Variants in BAZ2B observed in about 807,000 individuals in gnomAD.
BAZ2B encodes the protein bromodomain adjacent to zinc finger domain 2B.
A neutral mutation model predicts 246.0 loss-of-function variants in BAZ2B; 91 were observed. The observed-to-expected ratio is 0.37, with a 90% confidence interval of 0.31 to 0.44. BAZ2B has a LOEUF of 0.44. Ranked by LOEUF, BAZ2B falls within the 20% of genes least tolerant of loss-of-function variation. The probability of loss-of-function intolerance (pLI) is 1.00; values close to 1 mark genes in which losing one functional copy is unlikely to be tolerated. For missense variants in BAZ2B, 2,332 were observed against 2,533.7 expected, an observed-to-expected ratio of 0.92 and a Z score of 1.71; for synonymous variants, 855 against 860.0, an observed-to-expected ratio of 0.99 and a Z score of 0.10.
chr2:159,464,743 T>C (rs757795001), intron 3 of BAZ2B: 1 of 152,230 alleles, frequency 6.6e-6, no homozygotes, highest in Non-Finnish European at 1.5e-5. Flanking sequence ...GTTCCTCTTC[T>C]GTGATAATTT....
intron 3 of BAZ2B, among the ~76,000 whole-genome samples, chr2:159,467,035 T>G (rs1412294256): frequency 6.6e-6 from 1 of 152,132 alleles, no homozygotes; most frequent in African/African-American, 2.4e-5. Flanking sequence ...AGACAAAGCA[T>G]GAGGAAGAAT....
rs375291157 is a variant in BAZ2B at position 159,447,277 on chromosome 2, T to C, written c.503-302A>G. Among the ~76,000 whole-genome samples the C allele has an allele frequency of 3.5e-4, 54 of 152,314 alleles. 1 individual carries two copies. In the East Asian group the frequency reaches 8.7e-3, roughly 24 times the overall value. On this transcript the variant is annotated intron_variant, in intron 5 of 36. Transcript: ENST00000392783. ...TTTCAGAACAAGATAGAGGTGGTGG[T>C]TGTACAACACTGCAAATGCATTAAA...
At chr2:159,490,693 T>TA (rs2080360263) in intron 2 of BAZ2B, among the ~76,000 whole-genome samples, 1 of 152,056 alleles carries the variant, frequency 6.6e-6, no homozygotes, top group African/African-American at 2.4e-5. Context: ...TGGCTATTTT[T>TA]TTTTTATTTT....
intron 28 of BAZ2B, 61 bp downstream of exon 28, chr2:159,349,647 T>C: frequency 6.8e-7 from 1 of 1,475,506 alleles, no homozygotes; most frequent in Non-Finnish European, 9.1e-7. Context: ...AGCAAAAATC[T>C]CCATGGGGTC....
intron 3 of BAZ2B, chr2:159,460,419 TTGCTTAC>T (rs2076265292): frequency 6.6e-6 from 1 of 152,064 alleles, no homozygotes; most frequent in Non-Finnish European, 1.5e-5. Flanking sequence ...GTCAAGAAAA[TTGCTTAC>T]CATGACATAA....
the BAZ2B span, among the ~76,000 whole-genome samples, chr2:159,698,384 G>A: frequency 6.6e-6 from 1 of 151,726 alleles, no homozygotes; most frequent in Non-Finnish European, 1.5e-5. Flanking sequence ...AGCTGGGCAT[G>A]GTAGCGTGCA....
intron 2 of BAZ2B, among the ~76,000 whole-genome samples, chr2:159,484,036 A>G (rs1161237563): frequency 2.6e-5 from 4 of 152,144 alleles, no homozygotes; most frequent in Non-Finnish European, 5.9e-5. Context: ...CCCACCAGGG[A>G]ACATATGGGT....
intron 1 of BAZ2B, among the ~76,000 whole-genome samples, chr2:159,568,568 A>G (rs1175369345): frequency 6.8e-6 from 1 of 146,988 alleles, no homozygotes; most frequent in Non-Finnish European, 1.5e-5. Flanking sequence ...AAAAAAAAAA[A>G]GCTCTTTTAT....
intron 27 of BAZ2B, among the ~76,000 whole-genome samples, chr2:159,362,340 C>T (rs2149300682): frequency 6.6e-6 from 1 of 152,238 alleles, no homozygotes; most frequent in East Asian, 1.9e-4. Flanking sequence ...TGTTTCTAAA[C>T]CCAAAGGTCC....
chr2:159,647,105 G>A, the BAZ2B span, among the ~76,000 whole-genome samples: 1 of 152,060 alleles, frequency 6.6e-6, no homozygotes, highest in African/African-American at 2.4e-5. Flanking sequence ...ATTTGTACAG[G>A]AGAACCCCAC....
chr2:159,692,033 G>A, the BAZ2B span, among the ~76,000 whole-genome samples: 1 of 152,096 alleles, frequency 6.6e-6, no homozygotes, highest in African/African-American at 2.4e-5. Context: ...GTTTATATGT[G>A]TAAGTTTTGA....
chr2:159,508,201 T>A (rs961599113), intron 2 of BAZ2B, among the ~76,000 whole-genome samples: 4 of 152,196 alleles, frequency 2.6e-5, no homozygotes, highest in Admixed American at 6.6e-5. Flanking sequence ...TGGGCTATTA[T>A]ACAGCCTCAT....
chr2:159,349,234 G>A lies in BAZ2B; in HGVS notation c.4910C>T (p.Pro1637Leu), dbSNP rs377196822. The A allele has an allele frequency of 1.2e-6, 2 of 1,613,196 alleles. No homozygotes were observed. The highest frequency in any genetic ancestry group is 2.2e-5 in the South Asian group (2 of 91,036). ...AATATTAGAAGTAACCACACCAGTG[G>A]GCCATCCACAAAACTGAAGTCCCAT... Reference protein sequence around the residue: ...SMMGLQFCGWPTGVVTSNIPF... With the variant: ...SMMGLQFCGWLTGVVTSNIPF... The change falls in exon 29 of 37, where the codon CCC becomes CTC. Residue 1637 changes from proline (P) to leucine (L), a missense_variant. Coordinates refer to ENST00000392783, the MANE Select transcript of BAZ2B (RefSeq NM_013450.4).
At chr2:159,370,210 A>G (rs1195514151) in intron 27 of BAZ2B, among the ~76,000 whole-genome samples, 1 of 152,060 alleles carries the variant, frequency 6.6e-6, no homozygotes, top group East Asian at 1.9e-4. Flanking sequence ...TAGGAGATAT[A>G]CCTAATGTAA....
At chr2:159,591,128 T>C (rs1689304639) in intron 1 of BAZ2B, among the ~76,000 whole-genome samples, 1 of 152,194 alleles carries the variant, frequency 6.6e-6, no homozygotes, top group Admixed American at 6.5e-5. Context: ...TTGTAGATGT[T>C]ACTACCTATG....
intron 5 of BAZ2B, among the ~76,000 whole-genome samples, 178 bp from the exon 6 acceptor site, chr2:159,447,153 G>T (rs1038975572): frequency 3.3e-5 from 5 of 152,152 alleles, no homozygotes; most frequent in African/African-American, 1.2e-4. Context: ...AAACCTACAG[G>T]GACAAAGTGA....
At chr2:159,341,989 A>G (rs185483445) in intron 31 of BAZ2B, among the ~76,000 whole-genome samples, 1 of 152,304 alleles carries the variant, frequency 6.6e-6, no homozygotes, top group Admixed American at 6.5e-5. Flanking sequence ...TCAAACCCCA[A>G]ATTAGTAGAA....
chr2:159,495,558 A>G (rs1207346432), intron 2 of BAZ2B, among the ~76,000 whole-genome samples: 2 of 150,526 alleles, frequency 1.3e-5, no homozygotes, highest in East Asian at 3.9e-4. Context: ...ATAGATTGCC[A>G]TCTTAGAATC....
the BAZ2B span, among the ~76,000 whole-genome samples, chr2:159,673,659 A>G: frequency 6.7e-6 from 1 of 149,392 alleles, no homozygotes. Flanking sequence ...TGCACATCAC[A>G]AATTATGTAG....
Sources: allele counts gnomAD v4.1 joint callset (sites outside exome capture counted in the v4.1 genomes callset), GRCh38; gene constraint gnomAD v4.1.1; transcripts MANE v1.5; gene names NCBI Gene and HGNC (gene_info 2026-07-23, HGNC 2026-07-21).